PTPRT: variants seen among roughly 807,000 people sequenced by gnomAD.
The protein encoded by PTPRT is protein tyrosine phosphatase receptor type T.
Under a neutral mutation model 176.8 loss-of-function variants are expected in PTPRT, and 56 were observed. The observed-to-expected ratio is 0.32, with a 90% CI of 0.26 to 0.40. The LOEUF (loss-of-function observed/expected upper bound fraction) is 0.40, where lower values mean the gene tolerates loss of function less well. Among genes scored for constraint, PTPRT ranks in the 10% least tolerant of loss-of-function variants. The pLI, the probability that PTPRT is intolerant of heterozygous loss-of-function variation, is 1.00. For synonymous variants in PTPRT, 783 were observed against 739.0 expected (o/e 1.06, Z -0.96); for missense variants, 1,540 against 1,908.2 (o/e 0.81, Z 3.60).
At chr20:42,362,104 T>C (rs562416490) in intron 9 of PTPRT, among the ~76,000 whole-genome samples, 2 of 151,864 alleles carry the variant, frequency 1.3e-5, no homozygotes, top group Non-Finnish European at 2.9e-5. Context: ...CCACAAAAAA[T>C]TTTTTTTAAA....
At chr20:42,468,118 T>C (rs2071130712) in intron 8 of PTPRT, among the ~76,000 whole-genome samples, 1 of 152,246 alleles carries the variant, frequency 6.6e-6, no homozygotes, top group South Asian at 2.1e-4. Flanking sequence ...AGCTGCTCTC[T>C]AGTGCTGGAT....
At chr20:42,317,930 G>A (rs1212236795) in intron 11 of PTPRT, among the ~76,000 whole-genome samples, 1 of 152,206 alleles carries the variant, frequency 6.6e-6, no homozygotes, top group Admixed American at 6.5e-5. Context: ...TGACATGCGA[G>A]TGGATGTGGA....
intron 7 of PTPRT, among the ~76,000 whole-genome samples, chr20:42,604,303 T>C (rs899605261): frequency 6.6e-6 from 1 of 152,166 alleles, no homozygotes; most frequent in African/African-American, 2.4e-5. Context: ...CCCCTTCCTC[T>C]CTGTTAAAAT....
At chr20:43,007,288 T>C (rs969884373) in intron 1 of PTPRT, among the ~76,000 whole-genome samples, 1 of 152,206 alleles carries the variant, frequency 6.6e-6, no homozygotes, top group Non-Finnish European at 1.5e-5. Context: ...ATTTTTTGGT[T>C]CTGATTTTTG....
chr20:42,609,023 G>C (rs1026330047), intron 7 of PTPRT, among the ~76,000 whole-genome samples: 18 of 152,088 alleles, frequency 1.2e-4, no homozygotes, highest in African/African-American at 4.3e-4. Flanking sequence ...CCTAGTCCCA[G>C]ACACCCACCC....
intron 1 of PTPRT, among the ~76,000 whole-genome samples, chr20:42,932,365 C>T (rs6072903): frequency 2.4e-4 from 36 of 152,264 alleles, no homozygotes; most frequent in African/African-American, 7.7e-4. Context: ...GCAGGCTGCA[C>T]GTGAAGGTGT....
At chr20:42,184,541 C>CTCCTCTTCTTCTTCT (rs1990661146) in intron 16 of PTPRT, among the ~76,000 whole-genome samples, 1 of 91,546 alleles carries the variant, frequency 1.1e-5, no homozygotes, top group South Asian at 5.2e-4. Context: ...CTTCCTCTTC[C>CTCCTCTTCTTCTTCT]TCTTCTTCTT....
At chr20:42,588,092 G>T (rs1172108410) in intron 7 of PTPRT, among the ~76,000 whole-genome samples, 2 of 152,128 alleles carry the variant, frequency 1.3e-5, no homozygotes, top group Admixed American at 1.3e-4. Context: ...GCCCTCCAGA[G>T]CTGTGCTGTC....
chr20:43,057,922 C>G (rs560313197), intron 1 of PTPRT, among the ~76,000 whole-genome samples: 1 of 152,200 alleles, frequency 6.6e-6, no homozygotes, highest in Non-Finnish European at 1.5e-5. Context: ...TTTGTTCCCC[C>G]ACTCAATGCC....
intron 1 of PTPRT, among the ~76,000 whole-genome samples, chr20:43,122,713 A>G (rs2013308975): frequency 6.6e-6 from 1 of 152,124 alleles, no homozygotes. Flanking sequence ...TCACCTTCCA[A>G]CATGATTGTA....
chr20:42,739,541 G>T (rs1382720441), intron 6 of PTPRT, among the ~76,000 whole-genome samples: 1 of 152,154 alleles, frequency 6.6e-6, no homozygotes, highest in Non-Finnish European at 1.5e-5. Context: ...ACACTGAGGA[G>T]AGGAGAAAGA....
intron 6 of PTPRT, among the ~76,000 whole-genome samples, chr20:42,732,364 G>T (rs1002693626): frequency 1.2e-4 from 19 of 152,132 alleles, no homozygotes; most frequent in Non-Finnish European, 2.2e-4. Context: ...CGAATCTCTG[G>T]ATACCTATCC....
intron 18 of PTPRT, among the ~76,000 whole-genome samples, chr20:42,129,424 C>T (rs1457302512): frequency 6.6e-6 from 1 of 152,162 alleles, no homozygotes; most frequent in Non-Finnish European, 1.5e-5. Flanking sequence ...ACTATCTAGA[C>T]ATAAACAAGA....
At chr20:42,456,236 G>T (rs2145876230) in intron 8 of PTPRT, among the ~76,000 whole-genome samples, 1 of 152,056 alleles carries the variant, frequency 6.6e-6, no homozygotes, top group Non-Finnish European at 1.5e-5. Context: ...ACTTTTTAAT[G>T]TTAATGTCTT....
chr20:42,257,367 C>T (rs890551322), intron 13 of PTPRT, among the ~76,000 whole-genome samples: 2 of 152,178 alleles, frequency 1.3e-5, no homozygotes, highest in Non-Finnish European at 2.9e-5. Context: ...AGAGGTAACA[C>T]ATCTAGGGCT....
chr20:42,458,155 T>C (rs2070956047), intron 8 of PTPRT, among the ~76,000 whole-genome samples: 1 of 152,220 alleles, frequency 6.6e-6, no homozygotes, highest in Non-Finnish European at 1.5e-5. Flanking sequence ...CTTGCATTAA[T>C]TCTTTCAGGA....
chr20:42,082,712 T>G (rs1983461230), intron 29 of PTPRT, among the ~76,000 whole-genome samples: 1 of 152,224 alleles, frequency 6.6e-6, no homozygotes, highest in Admixed American at 6.5e-5. Flanking sequence ...TCTCTGTTAC[T>G]CCTTTCTGAA....
At chr20:42,348,714 C>T (rs2058233311) in intron 11 of PTPRT, among the ~76,000 whole-genome samples, 1 of 152,182 alleles carries the variant, frequency 6.6e-6, no homozygotes, top group African/African-American at 2.4e-5. Context: ...GCAGACCCAT[C>T]TTTTCAGGGT....
intron 7 of PTPRT, among the ~76,000 whole-genome samples, chr20:42,545,972 C>T (rs1392865288): frequency 6.6e-6 from 1 of 152,010 alleles, no homozygotes; most frequent in Non-Finnish European, 1.5e-5. Flanking sequence ...GTTTAAATAT[C>T]TATATCTATA....
Sources: gnomAD v4.1 joint callset for allele counts (sites outside exome capture counted in the v4.1 genomes callset) on GRCh38, gnomAD v4.1.1 for gene constraint, MANE v1.5 for transcripts, NCBI Gene and HGNC (gene_info 2026-07-23, HGNC 2026-07-21) for gene names.